MAP3K7: variants seen among roughly 807,000 people sequenced by gnomAD.
The protein encoded by MAP3K7 is TGF-beta activated kinase 1.
In MAP3K7, 21 loss-of-function variants were observed where a neutral mutation model predicts 84.8. The observed-to-expected ratio is 0.25, with a 90% CI of 0.18 to 0.36. The LOEUF (loss-of-function observed/expected upper bound fraction) is 0.36. MAP3K7 is among the 10% of genes least tolerant of loss of function. MAP3K7 has a pLI of 1.00. For missense variants in MAP3K7, 503 were observed against 747.7 expected (o/e 0.67, Z 3.82); for synonymous variants, 241 against 247.7 (o/e 0.97, Z 0.25).
Position 90,547,338 on chromosome 6 carries a change from T to C in MAP3K7, c.1130A>G (p.Glu377Gly). 6.2e-7 allele frequency: 1 copy of C among 1,612,504 alleles called. No homozygotes were observed. The highest frequency in any genetic ancestry group is 8.5e-7 in the Non-Finnish European group (1 of 1,179,368). ...SLGASRGSSVESLPPTSEGKR... is the reference protein window; with the variant it reads ...SLGASRGSSVGSLPPTSEGKR... ...GCCCTCAGAGGTTGGGGGCAAGCTC[T>C]CCACACTGCTCCCACGGGAGGCTCC... The change falls in exon 11 of 17, where the codon GAG becomes GGG. Residue 377 changes from glutamate to glycine, a missense_variant. By Grantham distance (98) the Glu-to-Gly change is moderately conservative (BLOSUM62 -2). Transcript: ENST00000369329.
intron 6 of MAP3K7, among the ~76,000 whole-genome samples, chr6:90,553,787 A>G (rs748007671): frequency 5.9e-5 from 9 of 152,202 alleles, no homozygotes; most frequent in Non-Finnish European, 1.0e-4. Context: ...CAATACACTA[A>G]AAAACTACTT....
chr6:90,560,976 G>T (rs1776493596), intron 4 of MAP3K7, among the ~76,000 whole-genome samples: 1 of 152,080 alleles, frequency 6.6e-6, no homozygotes, highest in Non-Finnish European at 1.5e-5. Flanking sequence ...AATCAAATAA[G>T]ACAATGGGGT....
intron 11 of MAP3K7, 53 bp from the exon 12 acceptor site, chr6:90,544,685 C>A: frequency 4.3e-6 from 6 of 1,404,738 alleles, no homozygotes; most frequent in Non-Finnish European, 6.1e-6. Flanking sequence ...AACAGTAACA[C>A]GGAAAATGAT....
At position 90,572,862 on chromosome 6, in the gene MAP3K7, C is replaced by T. The variant is rs929968093; in HGVS notation, c.121-1055G>A. Among the ~76,000 whole-genome samples the T allele has an allele frequency of 3.3e-5, 5 of 151,982 alleles. No homozygotes were observed. In the East Asian group the frequency reaches 9.6e-4, roughly 29 times the overall value. On this transcript the variant is annotated intron_variant, in intron 1 of 16. Coordinates refer to ENST00000369329, the MANE Select transcript of MAP3K7 (RefSeq NM_145331.3). ...AAGAAAACAAAAATAGCTTTTGATA[C>T]TTGTTAGAATAAAATCATTAGATTT...
chr6:90,518,687 G>A (rs1775050210), intron 15 of MAP3K7, 125 bp from the exon 16 acceptor site: 1 of 632,858 alleles, frequency 1.6e-6, no homozygotes, highest in Non-Finnish European at 2.8e-6. Flanking sequence ...TTAAAAATAA[G>A]TGTTAAACCA....
At chr6:90,555,404 C>T (rs1030204648) in intron 6 of MAP3K7, among the ~76,000 whole-genome samples, 4 of 151,916 alleles carry the variant, frequency 2.6e-5, no homozygotes, top group South Asian at 4.1e-4. Flanking sequence ...TACGGGCGCC[C>T]GCCACCACGC....
chr6:90,565,130 A>T (rs1776658439), intron 3 of MAP3K7, among the ~76,000 whole-genome samples: 1 of 152,226 alleles, frequency 6.6e-6, no homozygotes, highest in Admixed American at 6.5e-5. Flanking sequence ...TTGACACCCT[A>T]ACATCACAAT....
intron 1 of MAP3K7, among the ~76,000 whole-genome samples, chr6:90,576,833 G>C (rs962140638): frequency 2.0e-5 from 3 of 152,262 alleles, no homozygotes; most frequent in African/African-American, 7.2e-5. Flanking sequence ...GGTGTGGCTG[G>C]TGTATAGTGG....
chr6:90,548,320 C>T, intron 9 of MAP3K7, 143 bp from the exon 10 acceptor site: 1 of 672,706 alleles, frequency 1.5e-6, no homozygotes, highest in South Asian at 2.6e-5. Context: ...TGAAGATATC[C>T]AAACAAACCC....
intron 13 of MAP3K7, among the ~76,000 whole-genome samples, chr6:90,535,922 T>C (rs1346265071): frequency 1.3e-5 from 2 of 152,186 alleles, no homozygotes; most frequent in Non-Finnish European, 1.5e-5. Flanking sequence ...TGTAATGCCC[T>C]ACGTGGCGCT....
Position 90,536,363 on chromosome 6 carries a change from T to G in MAP3K7, c.1330A>C (p.Thr444Pro). ...QPRRRSIQDL[T>P]VTGTEPGQVS... ...TGACCAGGTTCTGTTCCAGTTACAGTCAAGTCTTGGATGGATCTACGTCTT... is the reference window on the plus strand; with the variant it reads ...TGACCAGGTTCTGTTCCAGTTACAGGCAAGTCTTGGATGGATCTACGTCTT... Residue 444 changes from threonine (T) to proline (P), a missense_variant, in exon 13 of 17, where the codon ACT becomes CCT. By Grantham distance (38) the Thr-to-Pro change is conservative. Transcript: ENST00000369329. 1.9e-6 allele frequency: 3 copies of G among 1,612,484 alleles called. No homozygotes were observed. The highest frequency in any genetic ancestry group is 2.5e-6 in the Non-Finnish European group (3 of 1,178,822).
chr6:90,586,700 G>A, intron 1 of MAP3K7, 64 bp downstream of exon 1: 2 of 1,539,002 alleles, frequency 1.3e-6, no homozygotes, highest in Non-Finnish European at 1.8e-6. Flanking sequence ...TTCAGAGCCG[G>A]CACCAGGCAG....
intron 1 of MAP3K7, among the ~76,000 whole-genome samples, chr6:90,576,065 T>A (rs931230015): frequency 4.0e-5 from 6 of 151,722 alleles, no homozygotes; most frequent in African/African-American, 1.5e-4. Flanking sequence ...CAACAAAAAA[T>A]AGGATGCTAT....
chr6:90,521,257 C>T (rs866312522), intron 14 of MAP3K7, among the ~76,000 whole-genome samples: 6 of 148,544 alleles, frequency 4.0e-5, no homozygotes, highest in Admixed American at 2.7e-4. Flanking sequence ...AAGTTTTTTG[C>T]GTGTGTGTGT....
At chr6:90,525,930 C>G (rs527954649) in intron 13 of MAP3K7, among the ~76,000 whole-genome samples, 1 of 152,166 alleles carries the variant, frequency 6.6e-6, no homozygotes, top group Non-Finnish European at 1.5e-5. Context: ...AAGGAGGTAT[C>G]GTCAAACTCC....
intron 12 of MAP3K7, among the ~76,000 whole-genome samples, chr6:90,539,706 T>C (rs921332931): frequency 4.6e-5 from 7 of 151,864 alleles, no homozygotes; most frequent in African/African-American, 1.4e-4. Context: ...AAAATAGTGC[T>C]CAGGTGTCCT....
Position 90,518,540 on chromosome 6 carries a change from G to T in MAP3K7, c.1547C>A (p.Ser516Tyr), listed in dbSNP as rs765671703. The change falls in exon 16 of 17, where the codon TCC becomes TAC. Residue 516 changes from serine to tyrosine, a missense_variant. By Grantham distance (144) the Ser-to-Tyr change is moderately radical (BLOSUM62 -2). Coordinates refer to ENST00000369329, the MANE Select transcript of MAP3K7 (RefSeq NM_145331.3). ...TTCAAACACTGCCATAGATTCTTTG[G>T]AGTTTGGGCACGGTGCTAGAGGCTG... ...QLQPLAPCPN[S>Y]KESMAVFEQH... 2 of 1,605,994 alleles carry T rather than the reference G, an allele frequency of 1.2e-6. No individual in the cohort carries two copies. The highest frequency in any genetic ancestry group is 1.7e-6 in the Non-Finnish European group (2 of 1,174,404).
intron 9 of MAP3K7, among the ~76,000 whole-genome samples, chr6:90,550,252 GA>G (rs764530575): frequency 9.9e-5 from 15 of 152,056 alleles, no homozygotes; most frequent in Non-Finnish European, 1.9e-4. Context: ...AATTATGTAG[GA>G]ATTCTAAGAC....
At chr6:90,580,610 G>A (rs74837599) in intron 1 of MAP3K7, among the ~76,000 whole-genome samples, 11,083 of 152,128 alleles carry the variant, frequency 0.073, 410 homozygotes, top group South Asian at 0.11. Context: ...GTGAGCCACC[G>A]TACCTAGCCC....
Sources: gnomAD v4.1 joint callset for allele counts (sites outside exome capture counted in the v4.1 genomes callset) on GRCh38, gnomAD v4.1.1 for gene constraint, MANE v1.5 for transcripts, NCBI Gene and HGNC (gene_info 2026-07-23, HGNC 2026-07-21) for gene names.